PHTF2: variants seen among roughly 807,000 people sequenced by gnomAD.
The protein encoded by PHTF2 is protein PHTF2.
Under a neutral mutation model 101.2 loss-of-function variants are expected in PHTF2, and 60 were observed. That is an observed-to-expected ratio of 0.59 (90% confidence interval 0.48 to 0.73). The LOEUF (loss-of-function observed/expected upper bound fraction) is 0.73, where lower values mean the gene tolerates loss of function less well. Ranked by LOEUF, PHTF2 falls within the 30% of genes least tolerant of loss-of-function variation. The pLI is 0.00. For missense variants in PHTF2, 747 were observed against 908.7 expected, an observed-to-expected ratio of 0.82 and a Z score of 2.29; for synonymous variants, 311 against 307.3, an observed-to-expected ratio of 1.01 and a Z score of -0.13.
intron 2 of PHTF2, among the ~76,000 whole-genome samples, chr7:77,852,482 G>A (rs1486774786): frequency 1.3e-5 from 2 of 152,104 alleles, no homozygotes; most frequent in Admixed American, 6.6e-5. Flanking sequence ...AAACTAACAA[G>A]CAAATGCCCC....
chr7:77,846,561 CCCCTCGCCT>C (rs1796303292), intron 2 of PHTF2, among the ~76,000 whole-genome samples: 1 of 20,086 alleles, frequency 5.0e-5, no homozygotes, highest in Non-Finnish European at 8.3e-5. Flanking sequence ...CCCCTCCCCT[CCCCTCGCCT>C]CCCCTCGCCT....
chr7:77,894,108 C>G (rs1314213586), intron 5 of PHTF2, 115 bp downstream of exon 4: 1 of 846,534 alleles, frequency 1.2e-6, no homozygotes, highest in South Asian at 1.4e-5. Flanking sequence ...AAAAGAGTCA[C>G]TGAAAAGTTG....
chr7:77,870,960 A>G (rs1798466113), intron 3 of PHTF2, among the ~76,000 whole-genome samples: 1 of 152,252 alleles, frequency 6.6e-6, no homozygotes, highest in Non-Finnish European at 1.5e-5. Flanking sequence ...GTATAAGTGT[A>G]TACATGCACA....
chr7:77,954,697 G>C (rs899036970), intron 19 of PHTF2, among the ~76,000 whole-genome samples, 161 bp from the exon 19 acceptor site: 12 of 146,558 alleles, frequency 8.2e-5, no homozygotes, highest in African/African-American at 3.1e-4. Context: ...ATTTTTGTTT[G>C]TGTTTAAGGT....
At chr7:77,851,085 T>G (rs556143443) in intron 2 of PHTF2, among the ~76,000 whole-genome samples, 1 of 152,328 alleles carries the variant, frequency 6.6e-6, no homozygotes, top group Non-Finnish European at 1.5e-5. Flanking sequence ...TTGATATGTC[T>G]TTGTCTGGTT....
At chr7:77,800,996 T>A in intron 1 of PHTF2, among the ~76,000 whole-genome samples, 1 of 152,190 alleles carries the variant, frequency 6.6e-6, no homozygotes, top group South Asian at 2.1e-4. Context: ...AGTAGGAGAC[T>A]ACTCAGTGGA....
intron 3 of PHTF2, among the ~76,000 whole-genome samples, chr7:77,889,439 G>A (rs1050099125): frequency 1.2e-4 from 18 of 152,116 alleles, no homozygotes; most frequent in African/African-American, 3.9e-4. Context: ...AGGCATACAC[G>A]TTATTAAGCA....
chr7:77,929,366 A>G (rs1804356392), intron 12 of PHTF2, 39 bp downstream of exon 11: 1 of 983,778 alleles, frequency 1.0e-6, no homozygotes, highest in Non-Finnish European at 1.6e-6. Flanking sequence ...GCTATGAGTC[A>G]AGCTCCTTTG....
intron 7 of PHTF2, among the ~76,000 whole-genome samples, chr7:77,903,217 C>A (rs1801555566): frequency 6.6e-6 from 1 of 151,970 alleles, no homozygotes; most frequent in Admixed American, 6.5e-5. Flanking sequence ...ATAATTACTG[C>A]TGAAGTGATC....
chr7:77,916,590 C>A lies in PHTF2; in HGVS notation c.777-3689C>A, dbSNP rs1802946695. ...AAACAAAACAAAACCACAGTTGTTTCTTGGTATCCATGGGAGATTGGTTCT... is the reference window on the plus strand; with the variant it reads ...AAACAAAACAAAACCACAGTTGTTTATTGGTATCCATGGGAGATTGGTTCT... On this transcript the variant is annotated intron_variant, in intron 9 of 19. Transcript: ENST00000416283. Among the ~76,000 whole-genome samples the A allele has an allele frequency of 1.3e-5, 2 of 152,032 alleles. 1 individual carries two copies. The highest frequency in any genetic ancestry group is 4.2e-4 in the South Asian group (2 of 4,812).
In PHTF2 at chr7:77,819,567, G is replaced by A. The variant is rs150882292; in HGVS notation, c.-36+20596G>A. On this transcript the variant is annotated intron_variant, in intron 1 of 19. Transcript: ENST00000416283. ...TTTGTATTTGTTGAACCGTCCTTGC[G>A]TTCCTCAGATAAATTCCCCTGAATC... is the stretch of plus-strand genomic sequence containing the variant. Among the ~76,000 whole-genome samples, 419 of 152,216 alleles carry A rather than the reference G, an allele frequency of 2.8e-3. 9 individuals are homozygous for A. In the East Asian group the frequency reaches 0.051, roughly 19 times the overall value.
intron 1 of PHTF2, among the ~76,000 whole-genome samples, chr7:77,823,884 A>G (rs940909593): frequency 6.6e-6 from 1 of 152,214 alleles, no homozygotes; most frequent in African/African-American, 2.4e-5. Context: ...AGTGTTGATT[A>G]AACTCTTTTC....
intron 19 of PHTF2, among the ~76,000 whole-genome samples, chr7:77,954,619 T>TAC (rs1281350607): frequency 8.8e-6 from 1 of 113,430 alleles, no homozygotes; most frequent in Non-Finnish European, 2.1e-5. Flanking sequence ...TGTGTATATA[T>TAC]ATATATATAT....
chr7:77,862,898 C>T (rs1453371221), intron 3 of PHTF2, among the ~76,000 whole-genome samples: 6 of 152,132 alleles, frequency 3.9e-5, no homozygotes, highest in Non-Finnish European at 7.4e-5. Flanking sequence ...TGTAGTTAAC[C>T]TGCTGTATGT....
intron 1 of PHTF2, among the ~76,000 whole-genome samples, chr7:77,828,058 A>G (rs1794820063): frequency 6.6e-6 from 1 of 152,214 alleles, no homozygotes; most frequent in South Asian, 2.1e-4. Context: ...AGCCATTTAG[A>G]TATCATTTAG....
At chr7:77,830,750 G>T (rs773646864) in intron 1 of PHTF2, among the ~76,000 whole-genome samples, 1 of 152,198 alleles carries the variant, frequency 6.6e-6, no homozygotes, top group Non-Finnish European at 1.5e-5. Flanking sequence ...CTGTCAGTGA[G>T]TTGAGTGCTT....
At chr7:77,801,020 A>G (rs1792500024) in intron 1 of PHTF2, among the ~76,000 whole-genome samples, 1 of 152,350 alleles carries the variant, frequency 6.6e-6, no homozygotes, top group South Asian at 2.1e-4. Context: ...TAACACTGCA[A>G]AACCGTAAAT....
At chr7:77,844,647 C>T (rs1796135914) in intron 2 of PHTF2, among the ~76,000 whole-genome samples, 1 of 152,190 alleles carries the variant, frequency 6.6e-6, no homozygotes, top group African/African-American at 2.4e-5. Context: ...GCCTCAGCCT[C>T]CCCAGTAGCT....
In PHTF2 at chr7:77,942,670, C is replaced by T. The variant is rs955261995; in HGVS notation, c.1873-30C>T. The T allele has an allele frequency of 3.1e-6, 4 of 1,279,280 alleles. No homozygotes were observed. In the Admixed American group the frequency reaches 8.7e-5, roughly 28 times the overall value. The allele number at this position is 1,279,280 out of a possible 1,614,324, so 79.2% of individuals were successfully genotyped here. A position where few individuals can be genotyped will look rare whatever the true frequency, so the allele number is the denominator to read the frequency against. On this transcript the variant is annotated intron_variant, in intron 15 of 19. Transcript: ENST00000416283. ...TTAGTAAATATATTTTAAAATGTTT[C>T]CTTTTCTCCCTTCCACCCACACCCT...
Sources: allele counts gnomAD v4.1 joint callset (sites outside exome capture counted in the v4.1 genomes callset), GRCh38; gene constraint gnomAD v4.1.1; transcripts MANE v1.5; gene names NCBI Gene and HGNC (gene_info 2026-07-23, HGNC 2026-07-21).